Variants in ARHGAP26 observed in about 807,000 individuals in gnomAD.
The protein encoded by ARHGAP26 is rho GTPase-activating protein 26.
A neutral mutation model predicts 104.8 loss-of-function variants in ARHGAP26; 38 were observed. That is an observed-to-expected ratio of 0.36 (90% CI 0.28 to 0.48). The LOEUF (loss-of-function observed/expected upper bound fraction) is 0.48. ARHGAP26 is among the 20% of genes least tolerant of loss of function. The pLI, the probability that ARHGAP26 is intolerant of heterozygous loss-of-function variation, is 0.99. For missense variants in ARHGAP26, 704 were observed against 947.9 expected (o/e 0.74, Z 3.38); for synonymous variants, 341 against 340.0 (o/e 1.00, Z -0.03).
intron 11 of ARHGAP26, among the ~76,000 whole-genome samples, chr5:142,935,635 G>C (rs974082117): frequency 2.0e-5 from 3 of 152,150 alleles, no homozygotes; most frequent in Non-Finnish European, 2.9e-5. Flanking sequence ...TAACTACTTG[G>C]TCCAGAGGCT....
Position 142,913,253 on chromosome 5 carries a change from A to G in ARHGAP26, c.988A>G (p.Ile330Val). ...KSCTRRKTDS[I>V]EKRFCFDVEA... Reference sequence around the variant, plus strand: ...CTGCACACGGCGGAAAACAGACTCCATTGAGAAGAGGTTTTGCTTTGATGT... The same window carrying G: ...CTGCACACGGCGGAAAACAGACTCCGTTGAGAAGAGGTTTTGCTTTGATGT... The change falls in exon 10 of 23, where the codon ATT (isoleucine) becomes GTT (valine). Residue 330 changes from isoleucine to valine, a missense_variant. By Grantham distance (29) the Ile-to-Val change is conservative. Transcript: ENST00000645722. 1 of 1,614,226 alleles carries G rather than the reference A, an allele frequency of 6.2e-7. No individual in the cohort carries two copies. Among genetic ancestry groups the G allele is most frequent in the Non-Finnish European group, 8.5e-7 (1 of 1,180,020 alleles).
chr5:143,032,820 T>C (rs538119721), intron 12 of ARHGAP26, among the ~76,000 whole-genome samples: 5 of 152,160 alleles, frequency 3.3e-5, no homozygotes, highest in Non-Finnish European at 7.4e-5. Flanking sequence ...GAAATCAAGC[T>C]CTTTGTGTGT....
At chr5:143,180,568 C>T (rs763987943) in intron 20 of ARHGAP26, among the ~76,000 whole-genome samples, 1 of 152,160 alleles carries the variant, frequency 6.6e-6, no homozygotes, top group African/African-American at 2.4e-5. Flanking sequence ...CTTACAGTTC[C>T]GCATGGCTGG....
At chr5:142,791,555 T>C (rs145192320) in intron 1 of ARHGAP26, among the ~76,000 whole-genome samples, 1 of 152,232 alleles carries the variant, frequency 6.6e-6, no homozygotes. Flanking sequence ...AGAAATGGAC[T>C]GATGGCTGAC....
rs186194046 is a variant in ARHGAP26 at position 142,900,904 on chromosome 5, G to A, written c.598-1031G>A. ...TGTGGGTCAGCCTTCAGAAGCCGAA[G>A]TTAATGGGATAGTCCCCAAATACCA... On this transcript the variant is annotated intron_variant, in intron 6 of 22. Coordinates refer to ENST00000645722, the MANE Select transcript of ARHGAP26 (RefSeq NM_001135608.3). Among the ~76,000 whole-genome samples the A allele has an allele frequency of 1.7e-3, 261 of 152,316 alleles. 1 individual carries two copies. Among genetic ancestry groups the A allele is most frequent in the Non-Finnish European group, 2.8e-3 (188 of 68,022 alleles).
chr5:143,168,340 C>T (rs1247576225), intron 20 of ARHGAP26, among the ~76,000 whole-genome samples: 1 of 150,398 alleles, frequency 6.6e-6, no homozygotes, highest in African/African-American at 2.4e-5. Flanking sequence ...GCTCCTGATG[C>T]AACATCTTTT....
intron 11 of ARHGAP26, among the ~76,000 whole-genome samples, chr5:142,966,728 A>T (rs1188505139): frequency 2.6e-5 from 4 of 152,204 alleles, no homozygotes; most frequent in African/African-American, 9.6e-5. Flanking sequence ...ATCTTTTTTC[A>T]AATGTTTTAT....
chr5:143,120,475 A>G (rs1796007773), intron 17 of ARHGAP26, among the ~76,000 whole-genome samples: 1 of 152,210 alleles, frequency 6.6e-6, no homozygotes, highest in African/African-American at 2.4e-5. Context: ...CTTTACATCT[A>G]AAGTGCTGAA....
intron 1 of ARHGAP26, among the ~76,000 whole-genome samples, chr5:142,779,007 A>C (rs1756937983): frequency 6.6e-6 from 1 of 151,432 alleles, no homozygotes; most frequent in Non-Finnish European, 1.5e-5. Flanking sequence ...AATTAATTGG[A>C]TGTGTCCCTA....
intron 17 of ARHGAP26, among the ~76,000 whole-genome samples, chr5:143,092,448 G>C (rs985970846): frequency 6.6e-6 from 1 of 152,202 alleles, no homozygotes; most frequent in Non-Finnish European, 1.5e-5. Context: ...ACAGGCGTGA[G>C]CCACTGCACC....
chr5:142,791,345 C>A (rs1053551747), intron 1 of ARHGAP26, among the ~76,000 whole-genome samples: 1 of 152,190 alleles, frequency 6.6e-6, no homozygotes. Flanking sequence ...ATCTCCTCTC[C>A]CATTCTTTTG....
Position 143,052,980 on chromosome 5 carries a change from C to A in ARHGAP26, c.1286-1459C>A, listed in dbSNP as rs193250581. Among the ~76,000 whole-genome samples the A allele has an allele frequency of 2.0e-5, 3 of 152,210 alleles. No individual in the cohort carries two copies. In the East Asian group the frequency reaches 5.8e-4, roughly 29 times the overall value. On this transcript the variant is annotated intron_variant, in intron 14 of 22. Coordinates refer to ENST00000645722, the MANE Select transcript of ARHGAP26 (RefSeq NM_001135608.3). ...CTTTGCATTGTAAAAAGACGGAAAT[C>A]CTGACCTCACCTGGCTTAAGGGGAA...
intron 1 of ARHGAP26, chr5:142,771,150 CCAGCGCGGGTGGTGCTCTGGGG>C (rs1755104404): frequency 3.9e-6 from 5 of 1,292,916 alleles, no homozygotes; most frequent in Non-Finnish European, 4.9e-6. Context: ...GGGAGGTGAC[CCAGCGCGGGTGGTGCTCTGGGG>C]CAGCGCGGGT....
chr5:142,774,592 T>C (rs1196895035), intron 1 of ARHGAP26, among the ~76,000 whole-genome samples: 1 of 152,200 alleles, frequency 6.6e-6, no homozygotes, highest in East Asian at 1.9e-4. Context: ...CATTATTAAC[T>C]AAAGTCCATA....
intron 1 of ARHGAP26, among the ~76,000 whole-genome samples, chr5:142,837,391 T>C (rs1769799924): frequency 6.6e-6 from 1 of 152,142 alleles, no homozygotes; most frequent in Non-Finnish European, 1.5e-5. Flanking sequence ...CCTTAGTGCT[T>C]TGTGTTCACT....
At chr5:142,960,890 A>T (rs1464854203) in intron 11 of ARHGAP26, among the ~76,000 whole-genome samples, 1 of 151,950 alleles carries the variant, frequency 6.6e-6, no homozygotes. Flanking sequence ...TCAGTTTTTC[A>T]CTTGCCTCTT....
At chr5:142,883,481 T>C (rs1054159042) in intron 4 of ARHGAP26, among the ~76,000 whole-genome samples, 15 of 152,258 alleles carry the variant, frequency 9.9e-5, no homozygotes, top group African/African-American at 3.6e-4. Flanking sequence ...GAACAGTCTT[T>C]TAAGCAAAAC....
chr5:142,777,445 G>T (rs545842984), intron 1 of ARHGAP26, among the ~76,000 whole-genome samples: 1 of 152,358 alleles, frequency 6.6e-6, no homozygotes, highest in Non-Finnish European at 1.5e-5. Context: ...AAAGCAAGTT[G>T]TAAAGGGGAC....
At chr5:142,784,727 A>T (rs1758196079) in intron 1 of ARHGAP26, among the ~76,000 whole-genome samples, 1 of 152,098 alleles carries the variant, frequency 6.6e-6, no homozygotes, top group Non-Finnish European at 1.5e-5. Context: ...TTGAGATACA[A>T]TTCACACGAC....
Sources: gnomAD v4.1 joint callset for allele counts (sites outside exome capture counted in the v4.1 genomes callset) on GRCh38, gnomAD v4.1.1 for gene constraint, MANE v1.5 for transcripts, NCBI Gene and HGNC (gene_info 2026-07-23, HGNC 2026-07-21) for gene names.